MUC17: variants seen among roughly 807,000 people sequenced by gnomAD.
MUC17 encodes the protein mucin-17.
MUC17 carries 190 observed loss-of-function variants against 170.3 expected under a neutral mutation model. That is an observed-to-expected ratio of 1.12 (90% CI 0.99 to 1.26). The LOEUF (loss-of-function observed/expected upper bound fraction) is 1.26, where lower values mean the gene tolerates loss of function less well. Among genes scored for constraint, MUC17 ranks in the 50% most tolerant of loss-of-function variants. The pLI is 0.00. For synonymous variants in MUC17, 2,325 were observed against 2,002.5 expected (o/e 1.16, Z -4.30); for missense variants, 6,415 against 5,530.0 (o/e 1.16, Z -5.08).
intron 1 of MUC17, among the ~76,000 whole-genome samples, chr7:101,027,268 C>T (rs1794197800): frequency 6.6e-6 from 1 of 151,994 alleles, no homozygotes; most frequent in African/African-American, 2.4e-5. Context: ...GGGTGGGGCA[C>T]CTAGGGCCCA....
At position 101,043,016 on chromosome 7, in the gene MUC17, C is replaced by T. The variant is rs1436196363; in HGVS notation, c.11600C>T (p.Ser3867Leu). ...IPAEVTTIRI[S>L]ITSERSTPLT... ...GCTGAAGTCACTACCATACGTATTT[C>T]AATTACCAGTGAAAGAAGCACTCCA... is the stretch of plus-strand genomic sequence containing the variant. Residue 3867 changes from serine to leucine, a missense_variant, in exon 3 of 13, where the codon TCA becomes TTA. Transcript: ENST00000306151. 1 of 1,614,134 alleles carries T rather than the reference C, an allele frequency of 6.2e-7. No individual in the cohort carries two copies.
chr7:101,037,970 C>G lies in MUC17; in HGVS notation c.6554C>G (p.Pro2185Arg), dbSNP rs770277203. ...SSAISTLSTTPVDTSTPVTNS... is the reference protein window; with the variant it reads ...SSAISTLSTTRVDTSTPVTNS... ...GCAATCAGCACCCTTTCAACAACTC[C>G]TGTTGACACCAGCACACCTGTGACC... is the stretch of plus-strand genomic sequence containing the variant. Residue 2185 changes from proline (P) to arginine (R), a missense_variant, in exon 3 of 13, where the codon CCT becomes CGT. Coordinates refer to ENST00000306151, the MANE Select transcript of MUC17 (RefSeq NM_001040105.2). The G allele has an allele frequency of 6.2e-7, 1 of 1,608,660 alleles. No individual in the cohort carries two copies. The highest frequency in any genetic ancestry group is 1.7e-5 in the Admixed American group (1 of 59,584).
intron 3 of MUC17, among the ~76,000 whole-genome samples, chr7:101,047,323 G>A (rs1794859583): frequency 6.6e-6 from 1 of 152,098 alleles, no homozygotes; most frequent in Non-Finnish European, 1.5e-5. Flanking sequence ...AGCCCTGACT[G>A]TGTCGCTCAC....
In MUC17 at chr7:101,058,622, C is replaced by T. The variant is rs1372316298; in HGVS notation, c.*578C>T. ...TCGACCCGCTGTTTACAACCATGACCCCTTGGACACTGGACTGCATGCACT... is the reference window on the plus strand; with the variant it reads ...TCGACCCGCTGTTTACAACCATGACTCCTTGGACACTGGACTGCATGCACT... On this transcript the variant is annotated 3_prime_UTR_variant, in exon 13 of 13. Transcript: ENST00000306151. 1 of 152,206 alleles carries T rather than the reference C, an allele frequency of 6.6e-6. No homozygotes were observed. Among genetic ancestry groups the T allele is most frequent in the Admixed American group, 6.5e-5 (1 of 15,268 alleles). The allele number at this position is 152,206 out of a possible 1,614,324, so 9.4% of individuals were successfully genotyped here.
chr7:101,027,672 C>A (rs1232859338), intron 1 of MUC17, among the ~76,000 whole-genome samples: 1 of 152,106 alleles, frequency 6.6e-6, no homozygotes, highest in African/African-American at 2.4e-5. Flanking sequence ...ATTCTTTCTT[C>A]ACATATTTTT....
chr7:101,047,834 AAAAC>A (rs1259533917), intron 3 of MUC17, 146 bp from the exon 4 acceptor site: 5 of 1,053,348 alleles, frequency 4.7e-6, no homozygotes, highest in East Asian at 3.0e-5. Flanking sequence ...TCGGACTCAA[AAAAC>A]AAACAAATTA....
chr7:101,024,118 T>A (rs1363753281), intron 1 of MUC17, among the ~76,000 whole-genome samples: 2 of 152,030 alleles, frequency 1.3e-5, no homozygotes, highest in Non-Finnish European at 2.9e-5. Context: ...GAGAAATTGC[T>A]GACCAGGAGT....
At position 101,039,591 on chromosome 7, in the gene MUC17, TTC is replaced by T; in HGVS notation, c.8177_8178del (p.Ser2726CysfsTer2). On this transcript the variant is annotated frameshift_variant, in exon 3 of 13. Coordinates refer to ENST00000306151, the MANE Select transcript of MUC17 (RefSeq NM_001040105.2). LOFTEE classifies it high-confidence loss of function. Reference sequence around the variant, plus strand: ...TTGACACCAGCACACCTGTCACCACTTCTGCTGAAGCCAGTTCTTCTCCTACA... The same window carrying T: ...TTGACACCAGCACACCTGTCACCACTTGCTGAAGCCAGTTCTTCTCCTACA... ...PVDTSTPVTT[S>X]AEASSSPTTA... 6.2e-7 allele frequency: 1 copy of T among 1,612,612 alleles called. No individual in the cohort carries two copies. Among genetic ancestry groups the T allele is most frequent in the Admixed American group, 1.7e-5 (1 of 59,730 alleles).
chr7:101,022,027 T>A (rs912132102), intron 1 of MUC17, among the ~76,000 whole-genome samples: 1 of 152,156 alleles, frequency 6.6e-6, no homozygotes, highest in Non-Finnish European at 1.5e-5. Flanking sequence ...ACACCCAGCA[T>A]GAGGGCCACC....
Position 101,037,955 on chromosome 7 carries a change from C to T in MUC17, c.6539C>T (p.Thr2180Ile), listed in dbSNP as rs145280834. Reference sequence around the variant, plus strand: ...GTGGTGGCCAGTTCTGCAATCAGCACCCTTTCAACAACTCCTGTTGACACC... The same window carrying T: ...GTGGTGGCCAGTTCTGCAATCAGCATCCTTTCAACAACTCCTGTTGACACC... ...TTVVASSAIS[T>I]LSTTPVDTST... Residue 2180 changes from threonine (T) to isoleucine (I), a missense_variant, in exon 3 of 13, where the codon ACC becomes ATC. Thr to Ile is a moderately conservative substitution (Grantham distance 89). Transcript: ENST00000306151. 588 of 1,612,550 alleles carry T rather than the reference C, an allele frequency of 3.6e-4. 4 individuals are homozygous for T. Among genetic ancestry groups the T allele is most frequent in the Middle Eastern group, 4.9e-4 (3 of 6,076 alleles).
chr7:101,037,256 C>G lies in MUC17; in HGVS notation c.5840C>G (p.Ser1947Ter), dbSNP rs1794516461. 6.2e-7 allele frequency: 1 copy of G among 1,610,922 alleles called. No individual in the cohort carries two copies. Among genetic ancestry groups the G allele is most frequent in the Admixed American group, 1.7e-5 (1 of 59,912 alleles). Residue 1947 changes from serine (S) to a stop codon, truncating the protein, a stop_gained, in exon 3 of 13, where the codon TCA (serine) becomes TGA (stop). Coordinates refer to ENST00000306151, the MANE Select transcript of MUC17 (RefSeq NM_001040105.2). LOFTEE classifies it high-confidence loss of function. ...TVASSEINTL[S>*]TTLADTRTPV... ...GCCAGTTCTGAAATCAACACCCTTT[C>G]AACAACTCTTGCTGACACCAGGACA... is the stretch of plus-strand genomic sequence containing the variant.
intron 1 of MUC17, 78 bp from the exon 2 acceptor site, chr7:101,031,042 G>A: frequency 6.7e-7 from 1 of 1,488,284 alleles, no homozygotes. Context: ...CCAGGGCAGG[G>A]AGTAGAGACT....
rs779543165 is a variant in MUC17 at position 101,040,809 on chromosome 7, C to T, written c.9393C>T (p.Asp3131=). 1.9e-6 allele frequency: 3 copies of T among 1,613,658 alleles called. No individual in the cohort carries two copies. Among genetic ancestry groups the T allele is most frequent in the Non-Finnish European group, 2.5e-6 (3 of 1,179,786 alleles). Residue 3131 remains aspartate, a synonymous_variant, in exon 3 of 13, where the codon GAC becomes GAT. Transcript: ENST00000306151. ...GCACCCTTTCAACAACTCCTGTTGACACCAGCACACCTGTGACCACTTCTA... is the reference window on the plus strand; with the variant it reads ...GCACCCTTTCAACAACTCCTGTTGATACCAGCACACCTGTGACCACTTCTA... ...AISTLSTTPV[D]TSTPVTTSTE...
chr7:101,028,147 A>G (rs1446719856), intron 1 of MUC17, among the ~76,000 whole-genome samples: 2 of 145,018 alleles, frequency 1.4e-5, no homozygotes, highest in South Asian at 2.2e-4. Context: ...GCTGGAGTGC[A>G]GTGGCACGAT....
In MUC17 at chr7:101,034,222, G is replaced by A. The variant is rs1172074817; in HGVS notation, c.2806G>A (p.Val936Ile). 1 of 1,601,916 alleles carries A rather than the reference G, an allele frequency of 6.2e-7. No homozygotes were observed. The change falls in exon 3 of 13, where the codon GTA becomes ATA. Residue 936 changes from valine to isoleucine, a missense_variant. By Grantham distance (29) the Val-to-Ile change is conservative. Coordinates refer to ENST00000306151, the MANE Select transcript of MUC17 (RefSeq NM_001040105.2). ...LTSMPDSTTP[V>I]VSSEARTLSA... The stretch of plus-strand genomic sequence containing the variant: ...AAGTATGCCTGACAGCACCACGCCG[G>A]TAGTCAGTTCTGAGGCTAGAACACT...
At chr7:101,046,951 CAT>C (rs1794853436) in intron 3 of MUC17, among the ~76,000 whole-genome samples, 3 of 151,764 alleles carry the variant, frequency 2.0e-5, no homozygotes, top group South Asian at 4.2e-4. Context: ...TGGTGGCAGG[CAT>C]GCCTGTAGTC....
rs148276725 is a variant in MUC17, at chr7:101,020,543, C to T, written c.82+326C>T. 4.4e-3 allele frequency among the ~76,000 whole-genome samples: 667 copies of T among 152,158 alleles called. 4 individuals carry two copies. The highest frequency in any genetic ancestry group is 0.015 in the African/African-American group (634 of 41,484). ...CTAGGATTGAAAAGAGCTCCCCCCC[C>T]GAGGCATGATCCCTGGCACAAGACT... On this transcript the variant is annotated intron_variant, in intron 1 of 12. Coordinates refer to ENST00000306151, the MANE Select transcript of MUC17 (RefSeq NM_001040105.2).
Position 101,042,763 on chromosome 7 carries a change from A to C in MUC17, c.11347A>C (p.Met3783Leu), listed in dbSNP as rs746757935. The C allele has an allele frequency of 1.9e-6, 3 of 1,614,148 alleles. No individual in the cohort carries two copies. The highest frequency in any genetic ancestry group is 2.5e-6 in the Non-Finnish European group (3 of 1,180,042). Reference sequence around the variant, plus strand: ...TTCCATACCATCTGTTTACACCAGCATGTCTATGACCACTGCCTCTGAAGG... The same window carrying C: ...TTCCATACCATCTGTTTACACCAGCCTGTCTATGACCACTGCCTCTGAAGG... The part of the protein sequence containing the change: ...TPSIPSVYTS[M>L]SMTTASEGSS... The change falls in exon 3 of 13, where the codon ATG becomes CTG. Residue 3783 changes from methionine to leucine, a missense_variant. Physicochemically the swap from Met to Leu is conservative, Grantham distance 15. Coordinates refer to ENST00000306151, the MANE Select transcript of MUC17 (RefSeq NM_001040105.2).
intron 1 of MUC17, among the ~76,000 whole-genome samples, chr7:101,025,357 C>T (rs887130060): frequency 4.9e-5 from 7 of 143,290 alleles, no homozygotes; most frequent in Non-Finnish European, 9.0e-5. Context: ...AGGGAGACTC[C>T]GTCTTAAGAA....
Sources: allele counts gnomAD v4.1 joint callset (sites outside exome capture counted in the v4.1 genomes callset), GRCh38; gene constraint gnomAD v4.1.1; transcripts MANE v1.5; gene names NCBI Gene and HGNC (gene_info 2026-07-23, HGNC 2026-07-21).